The following EPHA7 variants were observed in gnomAD, a reference collection of about 807,000 sequenced individuals.
The protein encoded by EPHA7 is ephrin type-A receptor 7.
A neutral mutation model predicts 112.6 loss-of-function variants in EPHA7; 25 were observed. The ratio of observed to expected loss-of-function variants is 0.22; its 90% confidence interval spans 0.16 to 0.31. The LOEUF (loss-of-function observed/expected upper bound fraction) is 0.31, where lower values mean the gene tolerates loss of function less well. EPHA7 is among the 10% of genes least tolerant of loss of function. EPHA7 has a pLI of 1.00. For synonymous variants in EPHA7, 437 were observed against 406.5 expected, an observed-to-expected ratio of 1.07 and a Z score of -0.90; for missense variants, 962 against 1,212.6, an observed-to-expected ratio of 0.79 and a Z score of 3.07.
intron 5 of EPHA7, among the ~76,000 whole-genome samples, chr6:93,286,428 A>T (rs1186933935): frequency 1.3e-5 from 2 of 152,194 alleles, no homozygotes; most frequent in Admixed American, 6.5e-5. Flanking sequence ...ATGGATTTTT[A>T]AAATGTAATC....
chr6:93,388,751 A>G (rs1777756988), intron 3 of EPHA7, among the ~76,000 whole-genome samples: 1 of 152,068 alleles, frequency 6.6e-6, no homozygotes, highest in African/African-American at 2.4e-5. Context: ...CACAGGGGGG[A>G]ATAAAACATT....
chr6:93,410,900 T>C lies in EPHA7; in HGVS notation c.433A>G (p.Lys145Glu). The change falls in exon 3 of 17, where the codon AAA becomes GAA. Residue 145 changes from lysine (K) to glutamate (E), a missense_variant. Physicochemically the swap from Lys to Glu is moderately conservative, Grantham distance 56 (BLOSUM62 1). Coordinates refer to ENST00000369303, the MANE Select transcript of EPHA7 (RefSeq NM_004440.4). The surrounding 1 kb of genome is among the most constrained non-coding windows in gnomAD (Gnocchi z 4.0). ...TCATCTGCAGCAATGGTGTCTATTT[T>C]TACATAGAGGTTTTCTCTTATATTC... is the stretch of plus-strand genomic sequence containing the variant. ...GRNIRENLYVKIDTIAADESF... is the reference protein window; with the variant it reads ...GRNIRENLYVEIDTIAADESF... 6.2e-7 allele frequency: 1 copy of C among 1,614,056 alleles called. No homozygotes were observed. Among genetic ancestry groups the C allele is most frequent in the Non-Finnish European group, 8.5e-7 (1 of 1,179,972 alleles).
chr6:93,288,683 C>G (rs566651771), intron 5 of EPHA7, among the ~76,000 whole-genome samples: 42 of 151,344 alleles, frequency 2.8e-4, no homozygotes, highest in Non-Finnish European at 5.3e-4. Context: ...CATAAATCTT[C>G]CCTCATTTTG....
chr6:93,328,330 T>C lies in EPHA7; in HGVS notation c.1324+28387A>G, dbSNP rs1476797950. ...GTCTGTTCTACTTGCACTCCACTTC[T>C]ACTAGAAACTTTTTAAAGACAGAGA... On this transcript the variant is annotated intron_variant, in intron 5 of 16. Coordinates refer to ENST00000369303, the MANE Select transcript of EPHA7 (RefSeq NM_004440.4). Among the ~76,000 whole-genome samples, 4 of 151,572 alleles carry C rather than the reference T, an allele frequency of 2.6e-5. No homozygotes were observed. The East Asian group carries it at 7.7e-4, about 29-fold the overall frequency.
At chr6:93,376,884 A>T (rs1231676813) in intron 3 of EPHA7, among the ~76,000 whole-genome samples, 1 of 152,154 alleles carries the variant, frequency 6.6e-6, no homozygotes, top group African/African-American at 2.4e-5. Flanking sequence ...ATGTTTCCTG[A>T]GACAAGCAGC....
intron 5 of EPHA7, among the ~76,000 whole-genome samples, chr6:93,343,637 T>C (rs991213004): frequency 2.0e-5 from 3 of 151,680 alleles, no homozygotes; most frequent in Non-Finnish European, 4.4e-5. Flanking sequence ...CCAGCCAAAC[T>C]ATAAAGTAAA....
intron 6 of EPHA7, 100 bp from the exon 7 acceptor site, chr6:93,269,760 T>C (rs1465218126): frequency 2.7e-5 from 26 of 950,790 alleles, no homozygotes; most frequent in Non-Finnish European, 3.7e-5. Flanking sequence ...ATTGTTTTTA[T>C]AGAGGCTACA....
chr6:93,340,210 G>C (rs35920291), intron 5 of EPHA7, among the ~76,000 whole-genome samples: 1 of 151,636 alleles, frequency 6.6e-6, no homozygotes, highest in Non-Finnish European at 1.5e-5. Context: ...GTATGTATAC[G>C]TGTGTATATG....
intron 5 of EPHA7, among the ~76,000 whole-genome samples, chr6:93,278,654 G>A (rs1771582276): frequency 6.6e-6 from 1 of 151,860 alleles, no homozygotes; most frequent in Non-Finnish European, 1.5e-5. Context: ...TAGATAGACA[G>A]ATGGATTTCT....
chr6:93,390,947 A>G (rs2127980825), intron 3 of EPHA7, among the ~76,000 whole-genome samples: 1 of 152,064 alleles, frequency 6.6e-6, no homozygotes, highest in Admixed American at 6.6e-5. Context: ...TCTTTTTAGT[A>G]CTGAATTCTC....
chr6:93,338,767 T>A (rs2127916300), intron 5 of EPHA7, among the ~76,000 whole-genome samples: 1 of 151,674 alleles, frequency 6.6e-6, no homozygotes, highest in East Asian at 1.9e-4. Flanking sequence ...ATAATTGTCT[T>A]CCAAAGTTAT....
rs1402331883 is a variant in EPHA7, at chr6:93,356,816, C to T, written c.1225G>A (p.Ala409Thr). ...YVTVMDLLAHANYTFEVEAVN... is the reference protein window; with the variant it reads ...YVTVMDLLAHTNYTFEVEAVN... The stretch of plus-strand genomic sequence containing the variant: ...GCTTCAACTTCAAAAGTATAATTAG[C>T]GTGGGCTAGCAGGTCCATGACAGTG... Residue 409 changes from alanine to threonine, a missense_variant, in exon 5 of 17, where the codon GCT becomes ACT. Around this residue, in one of 3 missense-constraint regions of EPHA7, gnomAD observed 746 missense variants for 889.2 expected, o/e 0.84. Coordinates refer to ENST00000369303, the MANE Select transcript of EPHA7 (RefSeq NM_004440.4). 5.6e-6 allele frequency: 9 copies of T among 1,614,046 alleles called. No individual in the cohort carries two copies. In the East Asian group the frequency reaches 8.9e-5, roughly 16 times the overall value.
intron 5 of EPHA7, among the ~76,000 whole-genome samples, chr6:93,310,758 A>G (rs1467615536): frequency 6.6e-6 from 1 of 152,102 alleles, no homozygotes; most frequent in East Asian, 1.9e-4. Flanking sequence ...AAAATACTTC[A>G]TTACTAAAAA....
At chr6:93,272,204 A>T in intron 6 of EPHA7, 94 bp downstream of exon 6, 1 of 1,431,024 alleles carries the variant, frequency 7.0e-7, no homozygotes, top group Non-Finnish European at 9.6e-7. Context: ...GTAGCTCCAA[A>T]TTGTTGGCAT....
intron 1 of EPHA7, among the ~76,000 whole-genome samples, chr6:93,417,985 T>C (rs1376191826): frequency 1.3e-5 from 2 of 152,026 alleles, no homozygotes; most frequent in East Asian, 1.9e-4. Context: ...TTTTCAGAAA[T>C]AGATGAATCA....
chr6:93,347,939 T>A (rs114394309), intron 5 of EPHA7, among the ~76,000 whole-genome samples: 339 of 151,834 alleles, frequency 2.2e-3, no homozygotes, highest in African/African-American at 7.7e-3. Context: ...AATTCAAAGA[T>A]CAAATAATTT....
At chr6:93,267,050 GTA>G (rs1462140792) in intron 7 of EPHA7, among the ~76,000 whole-genome samples, 2 of 151,468 alleles carry the variant, frequency 1.3e-5, no homozygotes, top group Non-Finnish European at 2.9e-5. Flanking sequence ...TTTTCAGAAG[GTA>G]TATGACATGA....
chr6:93,249,844 A>C (rs1262613855), intron 14 of EPHA7, among the ~76,000 whole-genome samples: 1 of 152,172 alleles, frequency 6.6e-6, no homozygotes, highest in African/African-American at 2.4e-5. Flanking sequence ...ATAACACTTA[A>C]AATTATTGAT....
intron 5 of EPHA7, among the ~76,000 whole-genome samples, chr6:93,289,991 T>C (rs1488150897): frequency 1.3e-5 from 2 of 152,168 alleles, no homozygotes; most frequent in Non-Finnish European, 2.9e-5. Flanking sequence ...TAAACTGATA[T>C]ACACTCTATT....
Sources: gnomAD v4.1 joint callset for allele counts (sites outside exome capture counted in the v4.1 genomes callset) on GRCh38, gnomAD v4.1.1 for gene constraint, gnomAD v4.1.1 regional missense constraint, Gnocchi (gnomAD v3.1) non-coding constraint, MANE v1.5 for transcripts, NCBI Gene and HGNC (gene_info 2026-07-23, HGNC 2026-07-21) for gene names.